Variants in SH3PXD2A observed in about 807,000 individuals in gnomAD.
SH3PXD2A encodes SH3 and PX domain-containing protein 2A.
SH3PXD2A carries 32 observed loss-of-function variants against 115.2 expected under a neutral mutation model. The observed-to-expected ratio is 0.28, with a 90% CI of 0.21 to 0.37. The LOEUF (loss-of-function observed/expected upper bound fraction) is 0.37. Among genes scored for constraint, SH3PXD2A ranks in the 10% least tolerant of loss-of-function variants. The probability of loss-of-function intolerance (pLI) is 1.00; values close to 1 mark genes in which losing one functional copy is unlikely to be tolerated. For missense variants in SH3PXD2A, 1,328 were observed against 1,498.7 expected, an observed-to-expected ratio of 0.89 and a Z score of 1.88; for synonymous variants, 610 against 629.1, an observed-to-expected ratio of 0.97 and a Z score of 0.45.
In SH3PXD2A at chr10:103,787,493, T is replaced by C. The variant is rs561036118; in HGVS notation, c.153+13789A>G. On this transcript the variant is annotated intron_variant, in intron 2 of 14. Coordinates refer to ENST00000369774, the MANE Select transcript of SH3PXD2A (RefSeq NM_001394015.1). ...CACCCTGTTGCACTGCTGGATGGAG[T>C]GGGGGCAGGCACACACAGAGGGGTT... 2.0e-5 allele frequency among the ~76,000 whole-genome samples: 3 copies of C among 152,032 alleles called. No individual in the cohort carries two copies. In the East Asian group the frequency reaches 5.8e-4, roughly 29 times the overall value.
intron 1 of SH3PXD2A, among the ~76,000 whole-genome samples, chr10:103,843,769 G>A (rs1057068206): frequency 1.3e-5 from 2 of 152,102 alleles, no homozygotes; most frequent in African/African-American, 2.4e-5. Context: ...TAAAGCCGTC[G>A]GGCTTTGTTC....
chr10:103,799,622 C>T (rs974653234), intron 2 of SH3PXD2A, among the ~76,000 whole-genome samples: 1 of 152,136 alleles, frequency 6.6e-6, no homozygotes, highest in Admixed American at 6.5e-5. Flanking sequence ...GGGTGGGGGA[C>T]CATAAGGGAA....
chr10:103,814,313 C>T (rs78729238), intron 1 of SH3PXD2A, among the ~76,000 whole-genome samples: 1,573 of 152,278 alleles, frequency 0.01, 23 homozygotes, highest in African/African-American at 0.035. Context: ...CAGCCCTTCT[C>T]GGCTCCAGGA....
chr10:103,852,075 C>T (rs562104918), intron 1 of SH3PXD2A, among the ~76,000 whole-genome samples: 1 of 152,330 alleles, frequency 6.6e-6, no homozygotes, highest in South Asian at 2.1e-4. Context: ...GGTCAGAGGC[C>T]AAAGCCAGTT....
At chr10:103,844,460 T>C (rs1176995235) in intron 1 of SH3PXD2A, among the ~76,000 whole-genome samples, 1 of 152,166 alleles carries the variant, frequency 6.6e-6, no homozygotes, top group Non-Finnish European at 1.5e-5. Flanking sequence ...TGGGTCAGAA[T>C]TGGGCCTATC....
chr10:103,790,511 G>A lies in SH3PXD2A; in HGVS notation c.153+10771C>T, dbSNP rs562243647. Among the ~76,000 whole-genome samples the A allele has an allele frequency of 8.5e-5, 13 of 152,232 alleles. No individual in the cohort carries two copies. The East Asian group carries it at 2.3e-3, about 27-fold the overall frequency. On this transcript the variant is annotated intron_variant, in intron 2 of 14. Coordinates refer to ENST00000369774, the MANE Select transcript of SH3PXD2A (RefSeq NM_001394015.1). ...ACTCAGATTGGAGTGAGCTAGAAGC[G>A]AGAGTACCAGAGTTCTAGTCCTGCT... is the stretch of plus-strand genomic sequence containing the variant.
intron 1 of SH3PXD2A, among the ~76,000 whole-genome samples, chr10:103,836,643 AAC>A (rs966212358): frequency 1.4e-5 from 2 of 145,914 alleles, no homozygotes; most frequent in African/African-American, 5.1e-5. Flanking sequence ...AACATTCCCC[AAC>A]ACACGAGTGC....
intron 2 of SH3PXD2A, among the ~76,000 whole-genome samples, chr10:103,779,063 T>A (rs17115964): frequency 0.074 from 11,196 of 152,188 alleles, 1,095 homozygotes; most frequent in East Asian, 0.29. Context: ...CATGGCTTCT[T>A]ACTATGTTTA....
At chr10:103,790,218 G>A (rs1476122773) in intron 2 of SH3PXD2A, among the ~76,000 whole-genome samples, 3 of 151,238 alleles carry the variant, frequency 2.0e-5, no homozygotes, top group Admixed American at 6.6e-5. Context: ...GCAGTGGTGC[G>A]ATCTCGGCTC....
At chr10:103,801,409 T>A (rs1356083652) in intron 1 of SH3PXD2A, 47 bp from the exon 2 acceptor site, 1 of 1,208,830 alleles carries the variant, frequency 8.3e-7, no homozygotes, top group South Asian at 1.2e-5. Flanking sequence ...GATTTCAAGC[T>A]GTCTGTGCCA....
chr10:103,639,633 GAA>G (rs577753878), intron 8 of SH3PXD2A, among the ~76,000 whole-genome samples: 12 of 88,874 alleles, frequency 1.4e-4, no homozygotes, highest in South Asian at 1.3e-3. Context: ...AAAAGAAAAA[GAA>G]AAAAAAAAAA....
intron 3 of SH3PXD2A, among the ~76,000 whole-genome samples, chr10:103,742,289 G>C (rs138696320): frequency 4.3e-4 from 66 of 152,294 alleles, no homozygotes; most frequent in African/African-American, 1.5e-3. Context: ...GAGGGCTCCA[G>C]GCATCTCTTG....
chr10:103,680,907 GA>G (rs2037599894), intron 6 of SH3PXD2A, among the ~76,000 whole-genome samples: 1 of 151,552 alleles, frequency 6.6e-6, no homozygotes. Flanking sequence ...CTTTAGATTA[GA>G]AAAAGGTGCT....
chr10:103,845,355 A>G (rs28463275), intron 1 of SH3PXD2A, among the ~76,000 whole-genome samples: 1 of 151,538 alleles, frequency 6.6e-6, no homozygotes, highest in Admixed American at 6.6e-5. Flanking sequence ...AGAAAAAAGA[A>G]AAAGAAAAAG....
chr10:103,812,953 A>ATG (rs1271033547), intron 1 of SH3PXD2A, among the ~76,000 whole-genome samples: 1 of 152,106 alleles, frequency 6.6e-6, no homozygotes, highest in Non-Finnish European at 1.5e-5. Context: ...GTATGCATGT[A>ATG]TGTGTGTGTA....
At chr10:103,677,279 C>T (rs1564861298) in intron 6 of SH3PXD2A, among the ~76,000 whole-genome samples, 1 of 152,258 alleles carries the variant, frequency 6.6e-6, no homozygotes. Context: ...CTCAAAGCAT[C>T]AGACACACAA....
In SH3PXD2A at chr10:103,678,063, G is replaced by T. The variant is rs1467209809; in HGVS notation, c.428-9411C>A. On this transcript the variant is annotated intron_variant, in intron 6 of 14. Transcript: ENST00000369774. Reference sequence around the variant, plus strand: ...CATCTGCTTTAATGCCCTTCAAAGAGATTTTTAGAAAAATTACCCCTAAGC... The same window carrying T: ...CATCTGCTTTAATGCCCTTCAAAGATATTTTTAGAAAAATTACCCCTAAGC... 1.6e-6 allele frequency: 2 copies of T among 1,228,902 alleles called. 1 individual carries two copies. The highest frequency in any genetic ancestry group is 4.6e-5 in the Admixed American group (2 of 43,488). The allele number at this position is 1,228,902 out of a possible 1,614,324, so 76.1% of individuals were successfully genotyped here.
intron 5 of SH3PXD2A, among the ~76,000 whole-genome samples, chr10:103,719,724 T>TC (rs1246940128): frequency 8.4e-5 from 12 of 142,864 alleles, no homozygotes; most frequent in African/African-American, 2.3e-4. Flanking sequence ...TTTCTTTCTT[T>TC]TTTTTTTTTT....
chr10:103,685,809 G>A (rs2134115683), intron 6 of SH3PXD2A, among the ~76,000 whole-genome samples: 1 of 152,318 alleles, frequency 6.6e-6, no homozygotes, highest in African/African-American at 2.4e-5. Flanking sequence ...TCTGGCTCCA[G>A]AGTCCACGTT....
Sources: allele counts gnomAD v4.1 joint callset (sites outside exome capture counted in the v4.1 genomes callset), GRCh38; gene constraint gnomAD v4.1.1; transcripts MANE v1.5; gene names NCBI Gene and HGNC (gene_info 2026-07-23, HGNC 2026-07-21).